Variants in ACY1 observed in about 807,000 individuals in gnomAD.
ACY1 encodes the protein aminoacylase-1.
A neutral mutation model predicts 53.3 loss-of-function variants in ACY1; 38 were observed. The ratio of observed to expected loss-of-function variants is 0.71; its 90% CI spans 0.55 to 0.93. The LOEUF is 0.93. Ranked by LOEUF, ACY1 falls within the 40% of genes least tolerant of loss-of-function variation. The probability of loss-of-function intolerance (pLI) is 0.00; values close to 1 mark genes in which losing one functional copy is unlikely to be tolerated. For missense variants in ACY1, 484 were observed against 540.9 expected, an observed-to-expected ratio of 0.89 and a Z score of 1.04; for synonymous variants, 177 against 202.1, an observed-to-expected ratio of 0.88 and a Z score of 1.05.
intron 5 of ACY1, 82 bp from the exon 6 acceptor site, chr3:51,986,173 G>A (rs1701048817): frequency 6.9e-7 from 1 of 1,439,732 alleles, no homozygotes; most frequent in South Asian, 1.2e-5. Flanking sequence ...CCAGGACACA[G>A]GACTCCAGCC....
chr3:51,989,017 T>A lies in ACY1; in HGVS notation c.1169T>A (p.Ile390Lys). 1.2e-6 allele frequency: 2 copies of A among 1,614,102 alleles called. No homozygotes were observed. The highest frequency in any genetic ancestry group is 1.7e-6 in the Non-Finnish European group (2 of 1,180,028). The stretch of plus-strand genomic sequence containing the variant: ...GCTGTGTTCCTCCGTGGGGTGGACA[T>A]ATATACACGCCTGCTGCCTGCCCTT... The part of the protein sequence containing the change: ...HEAVFLRGVD[I>K]YTRLLPALAS... The change falls in exon 15 of 15, where the codon ATA (isoleucine) becomes AAA (lysine). Residue 390 changes from isoleucine to lysine, a missense_variant. Ile to Lys is a moderately radical substitution (Grantham distance 102). Coordinates refer to ENST00000636358, the MANE Select transcript of ACY1 (RefSeq NM_000666.3).
In ACY1 at chr3:51,986,275, G is replaced by A; in HGVS notation, c.380G>A (p.Arg127Lys). The A allele has an allele frequency of 2.5e-6, 4 of 1,613,956 alleles. No individual in the cohort carries two copies. Among genetic ancestry groups the A allele is most frequent in the Middle Eastern group, 1.7e-4 (1 of 6,054 alleles). Reference sequence around the variant, plus strand: ...CTCAGGTACCTGGAAGCTGTGAGGAGGCTGAAGGTGGAGGGCCACCGGTTC... The same window carrying A: ...CTCAGGTACCTGGAAGCTGTGAGGAAGCTGAAGGTGGAGGGCCACCGGTTC... ...VSIQYLEAVRRLKVEGHRFPR... is the reference protein window; with the variant it reads ...VSIQYLEAVRKLKVEGHRFPR... Residue 127 changes from arginine (R) to lysine (K), a missense_variant, in exon 6 of 15, where the codon AGG becomes AAG. Transcript: ENST00000636358.
At chr3:51,985,795 G>C (rs1701033779) in intron 4 of ACY1, 57 bp from the exon 5 acceptor site, 2 of 1,457,098 alleles carry the variant, frequency 1.4e-6, no homozygotes, top group Admixed American at 1.8e-5. Context: ...CTGTTGACCA[G>C]AGTGGATTAA....
At chr3:51,985,694 G>A (rs143989731) in intron 4 of ACY1, among the ~76,000 whole-genome samples, 158 bp from the exon 5 acceptor site, 2 of 152,280 alleles carry the variant, frequency 1.3e-5, no homozygotes, top group African/African-American at 4.8e-5. Flanking sequence ...ATGGGGGATG[G>A]CAATCAGCTG....
chr3:51,987,741 C>A, intron 12 of ACY1, 117 bp downstream of exon 12: 1 of 1,110,850 alleles, frequency 9.0e-7, no homozygotes, highest in Non-Finnish European at 1.3e-6. Flanking sequence ...TTATCTGTGA[C>A]AGACACATTT....
At position 51,989,133 on chromosome 3, in the gene ACY1, C is replaced by A; in HGVS notation, c.*58C>A. The A allele has an allele frequency of 6.3e-7, 1 of 1,596,842 alleles. No individual in the cohort carries two copies. The highest frequency in any genetic ancestry group is 2.2e-5 in the East Asian group (1 of 44,850). On this transcript the variant is annotated 3_prime_UTR_variant, in exon 15 of 15. Transcript: ENST00000636358. ...CTTCCATCCCAACCAGTGCCAAGGA[C>A]CTCCTCTTCCCCCTTCCAAATAATA...
chr3:51,988,712 C>G, intron 13 of ACY1, 54 bp from the exon 14 acceptor site: 1 of 1,606,174 alleles, frequency 6.2e-7, no homozygotes, highest in Non-Finnish European at 8.5e-7. Context: ...CTTCCTTTGC[C>G]CCTTCAATTC....
intron 2 of ACY1, 56 bp from the exon 3 acceptor site, chr3:51,985,151 G>T: frequency 6.4e-7 from 1 of 1,565,104 alleles, no homozygotes; most frequent in Non-Finnish European, 8.7e-7. Context: ...GGCTGCCTGG[G>T]CTGGTGGGAA....
Position 51,984,169 on chromosome 3 carries a change from G to T in ACY1, c.94+11G>T. The stretch of plus-strand genomic sequence containing the variant: ...CCAAGCCTGACTATGGTGAGAAGAC[G>T]GTGGTTCCAGAGCCTGTGACGGGGC... On this transcript the variant is annotated intron_variant, in intron 2 of 14. Coordinates refer to ENST00000636358, the MANE Select transcript of ACY1 (RefSeq NM_000666.3). 6.2e-7 allele frequency: 1 copy of T among 1,613,230 alleles called. No individual in the cohort carries two copies. The highest frequency in any genetic ancestry group is 1.1e-5 in the South Asian group (1 of 91,060).
At chr3:51,985,542 A>G (rs1701026931) in intron 4 of ACY1, 77 bp downstream of exon 4, 2 of 1,433,472 alleles carry the variant, frequency 1.4e-6, no homozygotes, top group African/African-American at 2.8e-5. Context: ...TTCAACCTCA[A>G]GTTGCTCATG....
chr3:51,987,640 A>T lies in ACY1; in HGVS notation c.921+16A>T. 1.9e-6 allele frequency: 3 copies of T among 1,612,948 alleles called. No homozygotes were observed. The highest frequency in any genetic ancestry group is 2.5e-6 in the Non-Finnish European group (3 of 1,179,298). ...GTTTGCTCAGGTATGGACTTGGGACATGTGATGGGAGAGTGTGGGAGCCGG... is the reference window on the plus strand; with the variant it reads ...GTTTGCTCAGGTATGGACTTGGGACTTGTGATGGGAGAGTGTGGGAGCCGG... On this transcript the variant is annotated intron_variant, in intron 12 of 14. Transcript: ENST00000636358.
chr3:51,987,892 G>C, intron 12 of ACY1: 2 of 438,850 alleles, frequency 4.6e-6, no homozygotes, highest in Non-Finnish European at 8.3e-6. Flanking sequence ...ACTTTTTTCT[G>C]AGAGAATCTC....
chr3:51,985,879 G>C lies in ACY1; in HGVS notation c.292G>C (p.Ala98Pro). Reference protein sequence around the residue: ...KEHWSHDPFEAFKDSEGYIYA... With the variant: ...KEHWSHDPFEPFKDSEGYIYA... Reference sequence around the variant, plus strand: ...ACATTGGAGTCACGACCCCTTTGAGGCCTTCAAGGATTCTGAGGGCTACAT... The same window carrying C: ...ACATTGGAGTCACGACCCCTTTGAGCCCTTCAAGGATTCTGAGGGCTACAT... Residue 98 changes from alanine to proline, a missense_variant, in exon 5 of 15, where the codon GCC becomes CCC. Ala to Pro is a conservative substitution (Grantham distance 27, BLOSUM62 -1). Coordinates refer to ENST00000636358, the MANE Select transcript of ACY1 (RefSeq NM_000666.3). 6.2e-7 allele frequency: 1 copy of C among 1,613,746 alleles called. No individual in the cohort carries two copies. Among genetic ancestry groups the C allele is most frequent in the African/African-American group, 1.3e-5 (1 of 75,034 alleles).
In ACY1 at chr3:51,988,819, T is replaced by G; in HGVS notation, c.1055T>G (p.Ile352Ser). ...CCTGCTGCCACTGACAACCGCTATA[T>G]CCGCGCGGTGAGCCACTTGCATATA... ...IMPAATDNRY[I>S]RAVGVPALGF... Residue 352 changes from isoleucine (I) to serine (S), a missense_variant, in exon 14 of 15, where the codon ATC becomes AGC. Coordinates refer to ENST00000636358, the MANE Select transcript of ACY1 (RefSeq NM_000666.3). 1 of 1,614,086 alleles carries G rather than the reference T, an allele frequency of 6.2e-7. No homozygotes were observed. The highest frequency in any genetic ancestry group is 8.5e-7 in the Non-Finnish European group (1 of 1,180,012).
In ACY1 at chr3:51,988,973, C is replaced by T. The variant is rs148109993; in HGVS notation, c.1125C>T (p.His375=). The T allele has an allele frequency of 1.4e-4, 220 of 1,614,198 alleles. 2 individuals are homozygous for T. In the African/African-American group the frequency reaches 2.1e-3, roughly 16 times the overall value. The change falls in exon 15 of 15, where the codon CAC becomes CAT. Residue 375 remains histidine, a synonymous_variant. Coordinates refer to ENST00000636358, the MANE Select transcript of ACY1 (RefSeq NM_000666.3). The stretch of plus-strand genomic sequence containing the variant: ...GCACACCTGTGCTGCTGCACGACCA[C>T]GATGAACGGCTGCATGAGGCTGTGT... ...MNRTPVLLHD[H]DERLHEAVFL...
intron 1 of ACY1, 98 bp from the exon 2 acceptor site, chr3:51,983,949 G>A (rs1022264737): frequency 1.2e-6 from 1 of 860,110 alleles, no homozygotes; most frequent in Non-Finnish European, 2.0e-6. Context: ...TCCTACCCCT[G>A]TGGGAAGTCC....
chr3:51,984,779 C>A, intron 2 of ACY1: 1 of 261,640 alleles, frequency 3.8e-6, no homozygotes, highest in South Asian at 4.0e-5. Flanking sequence ...CGCACCACTT[C>A]ACTCCTGCCT....
chr3:51,984,215 T>G, intron 2 of ACY1, 57 bp downstream of exon 2: 1 of 1,536,058 alleles, frequency 6.5e-7, no homozygotes, highest in Non-Finnish European at 9.0e-7. Context: ...GGGACTGTGC[T>G]CTAAACCAGC....
At chr3:51,988,432 G>A (rs1701150004) in intron 12 of ACY1, 92 bp from the exon 13 acceptor site, 1 of 1,112,320 alleles carries the variant, frequency 9.0e-7, no homozygotes, top group Non-Finnish European at 1.4e-6. Flanking sequence ...GGGGTGGGGA[G>A]GTGTTATGTA....
Sources: allele counts gnomAD v4.1 joint callset (sites outside exome capture counted in the v4.1 genomes callset), GRCh38; gene constraint gnomAD v4.1.1; transcripts MANE v1.5; gene names NCBI Gene and HGNC (gene_info 2026-07-23, HGNC 2026-07-21).